ANK3: variants seen among roughly 807,000 people sequenced by gnomAD.
ANK3 encodes the protein ankyrin-3.
Under a neutral mutation model 370.9 loss-of-function variants are expected in ANK3, and 57 were observed. The ratio of observed to expected loss-of-function variants is 0.15; its 90% CI spans 0.12 to 0.19. The LOEUF is 0.19. Among genes scored for constraint, ANK3 ranks in the 10% least tolerant of loss-of-function variants. The probability of loss-of-function intolerance (pLI) is 1.00; values close to 1 mark genes in which losing one functional copy is unlikely to be tolerated. For missense variants in ANK3, 4,439 were observed against 5,302.1 expected (o/e 0.84, Z 5.06); for synonymous variants, 1,929 against 1,946.3 (o/e 0.99, Z 0.23).
At chr10:60,393,209 G>C (rs1049933927), upstream of ANK3, among the ~76,000 whole-genome samples, 2 of 152,066 alleles carry the variant, frequency 1.3e-5, no homozygotes, top group African/African-American at 2.4e-5. Flanking sequence ...TGGTATCCTG[G>C]AGCCCCAGCT....
intron 2 of ANK3, among the ~76,000 whole-genome samples, chr10:60,489,477 G>GA (rs2075436402): frequency 6.6e-6 from 1 of 152,100 alleles, no homozygotes; most frequent in East Asian, 1.9e-4. Context: ...GAAAAATATA[G>GA]AAAAATTAAA....
intron 37 of ANK3, among the ~76,000 whole-genome samples, 195 bp from the exon 38 acceptor site, chr10:60,068,204 A>C (rs150350338): frequency 6.6e-6 from 1 of 152,330 alleles, no homozygotes; most frequent in African/African-American, 2.4e-5. Context: ...CAAATGTCAG[A>C]CTACATGGAT....
At chr10:60,083,797 T>C in intron 32 of ANK3, 180 bp from the exon 33 acceptor site, 1 of 532,024 alleles carries the variant, frequency 1.9e-6, no homozygotes, top group Non-Finnish European at 3.3e-6. Context: ...ACTCACCAAC[T>C]GTAATTGGAA....
At chr10:60,079,109 A>AGGATCTC (rs1470217257) in intron 36 of ANK3, among the ~76,000 whole-genome samples, 1 of 151,038 alleles carries the variant, frequency 6.6e-6, no homozygotes, top group Non-Finnish European at 1.5e-5. Flanking sequence ...CTAGGGCAAA[A>AGGATCTC]TAGTATTCCA....
At chr10:60,217,211 A>G (rs2096953541) in intron 8 of ANK3, among the ~76,000 whole-genome samples, 1 of 151,996 alleles carries the variant, frequency 6.6e-6, no homozygotes, top group African/African-American at 2.4e-5. Flanking sequence ...TTTCAAAAAA[A>G]CAGTGCCTGG....
At chr10:60,395,867 G>A (rs1212252513) in intron 2 of ANK3, among the ~76,000 whole-genome samples, 3 of 152,100 alleles carry the variant, frequency 2.0e-5, no homozygotes, top group Non-Finnish European at 2.9e-5. Flanking sequence ...ACAGACAGGT[G>A]CTACAGAAGC....
chr10:60,504,418 A>T (rs1024643742), intron 2 of ANK3, among the ~76,000 whole-genome samples: 2 of 152,140 alleles, frequency 1.3e-5, no homozygotes, highest in Admixed American at 1.3e-4. Flanking sequence ...TGCATCAATT[A>T]ATTGAAGTTT....
intron 2 of ANK3, among the ~76,000 whole-genome samples, chr10:60,450,393 C>T (rs1052394155): frequency 1.3e-5 from 2 of 152,120 alleles, no homozygotes; most frequent in African/African-American, 2.4e-5. Flanking sequence ...TTTCGAGCTG[C>T]CAAAAGTATT....
At chr10:60,353,197 T>C (rs1166300097) in intron 1 of ANK3, among the ~76,000 whole-genome samples, 1 of 150,804 alleles carries the variant, frequency 6.6e-6, no homozygotes, top group Non-Finnish European at 1.5e-5. Flanking sequence ...TTCACTATGT[T>C]GCGCAGGCTG....
intron 1 of ANK3, among the ~76,000 whole-genome samples, chr10:60,732,955 G>C (rs1210284522): frequency 1.3e-5 from 2 of 151,872 alleles, no homozygotes; most frequent in Non-Finnish European, 2.9e-5. Context: ...TCTTTTTCCA[G>C]ACGAATGTTT....
intron 1 of ANK3, among the ~76,000 whole-genome samples, chr10:60,682,991 G>A (rs948268104): frequency 1.2e-4 from 18 of 152,262 alleles, no homozygotes; most frequent in East Asian, 1.9e-4. Context: ...GAAGGAAGGG[G>A]TGGTCTTGTG....
intron 1 of ANK3, among the ~76,000 whole-genome samples, chr10:60,293,155 T>C: frequency 6.6e-6 from 1 of 152,236 alleles, no homozygotes. Flanking sequence ...TAGGAAATCC[T>C]TGATGCATAA....
chr10:60,669,878 AGT>A (rs1160147506), intron 1 of ANK3, among the ~76,000 whole-genome samples: 1 of 152,110 alleles, frequency 6.6e-6, no homozygotes, highest in African/African-American at 2.4e-5. Flanking sequence ...GCTGGAGTGC[AGT>A]GGTGTGAATA....
chr10:60,502,386 T>G (rs968926433), intron 2 of ANK3, among the ~76,000 whole-genome samples: 1 of 152,220 alleles, frequency 6.6e-6, no homozygotes, highest in African/African-American at 2.4e-5. Flanking sequence ...TGGACAGACC[T>G]GAGTTATATT....
intron 2 of ANK3, among the ~76,000 whole-genome samples, chr10:60,610,006 G>A (rs1345257217): frequency 1.3e-5 from 2 of 151,800 alleles, no homozygotes; most frequent in Non-Finnish European, 2.9e-5. Flanking sequence ...AGAATTAGAA[G>A]GCAAAGGGAG....
chr10:60,517,039 A>C (rs1445881603), intron 2 of ANK3, among the ~76,000 whole-genome samples: 1 of 152,014 alleles, frequency 6.6e-6, no homozygotes, highest in African/African-American at 2.4e-5. Context: ...GGTCTTGGGC[A>C]AGTTATCTGA....
chr10:60,082,370 T>C (rs1564874314), intron 34 of ANK3, 194 bp from the exon 35 acceptor site: 9 of 679,636 alleles, frequency 1.3e-5, no homozygotes, highest in Non-Finnish European at 1.4e-5. Flanking sequence ...TATGACGTTA[T>C]TTAAAAGCAT....
chr10:60,611,346 A>G (rs537832756), intron 2 of ANK3, among the ~76,000 whole-genome samples: 54 of 152,282 alleles, frequency 3.5e-4, no homozygotes, highest in Admixed American at 1.4e-3. Flanking sequence ...GAGGATAAAT[A>G]AATGCCAGAG....
chr10:60,390,765 CAAACAA>C (rs1366648432), upstream of ANK3, among the ~76,000 whole-genome samples: 3 of 45,122 alleles, frequency 6.6e-5, no homozygotes, highest in East Asian at 1.1e-3. Flanking sequence ...CACACACACA[CAAACAA>C]CAATTTCACC....
Sources: allele counts gnomAD v4.1 joint callset (sites outside exome capture counted in the v4.1 genomes callset), GRCh38; gene constraint gnomAD v4.1.1; transcripts MANE v1.5; gene names NCBI Gene and HGNC (gene_info 2026-07-23, HGNC 2026-07-21).